IFT43: variants seen among roughly 807,000 people sequenced by gnomAD.
IFT43 encodes intraflagellar transport protein 43 homolog.
A neutral mutation model predicts 32.3 loss-of-function variants in IFT43; 33 were observed. The ratio of observed to expected loss-of-function variants is 1.02; its 90% confidence interval spans 0.77 to 1.37. The LOEUF is 1.37. Ranked by LOEUF, IFT43 falls within the 40% of genes most tolerant of loss-of-function variation. The pLI is 0.00. For missense variants in IFT43, 274 were observed against 265.9 expected, an observed-to-expected ratio of 1.03 and a Z score of -0.21; for synonymous variants, 93 against 98.2, an observed-to-expected ratio of 0.95 and a Z score of 0.31.
intron 5 of IFT43, among the ~76,000 whole-genome samples, chr14:76,070,918 T>C (rs66826584): frequency 0.35 from 52,997 of 152,022 alleles, 9,346 homozygotes; most frequent in African/African-American, 0.4. Context: ...GCCAATTAAA[T>C]CTCTTTTCTT....
intron 3 of IFT43, among the ~76,000 whole-genome samples, chr14:76,039,955 G>A (rs990786301): frequency 2.0e-5 from 3 of 152,082 alleles, no homozygotes; most frequent in Non-Finnish European, 4.4e-5. Context: ...GAGTAGAAGA[G>A]CTTCTTTTCT....
intron 3 of IFT43, among the ~76,000 whole-genome samples, chr14:76,034,889 G>A (rs998413902): frequency 2.0e-5 from 3 of 152,354 alleles, no homozygotes; most frequent in African/African-American, 4.8e-5. Flanking sequence ...GAAGTTGCCC[G>A]AGGTAGGACA....
chr14:76,062,732 A>T (rs1003981338), intron 5 of IFT43, among the ~76,000 whole-genome samples: 1 of 151,782 alleles, frequency 6.6e-6, no homozygotes, highest in African/African-American at 2.4e-5. Context: ...CCTGCCCAAC[A>T]TGGCGAAACC....
At position 76,082,554 on chromosome 14, in the gene IFT43, C is replaced by A. The variant is rs764484529; in HGVS notation, c.369-63C>A. ...ATACAAGGTTCTGGGGACGGTGGCC[C>A]GGCAGCACTCCTGGAACAGGTCCTG... On this transcript the variant is annotated intron_variant, in intron 6 of 8. Transcript: ENST00000314067. 1.9e-6 allele frequency: 3 copies of A among 1,588,108 alleles called. No individual in the cohort carries two copies. The African/African-American group carries it at 4.0e-5, about 21-fold the overall frequency.
intron 3 of IFT43, among the ~76,000 whole-genome samples, chr14:76,048,500 T>C (rs1312618436): frequency 6.6e-6 from 1 of 152,234 alleles, no homozygotes; most frequent in Non-Finnish European, 1.5e-5. Context: ...AAAATGCATC[T>C]GTGAACATCA....
At chr14:76,019,108 T>C (rs973293687) in intron 2 of IFT43, among the ~76,000 whole-genome samples, 1 of 152,134 alleles carries the variant, frequency 6.6e-6, no homozygotes, top group Non-Finnish European at 1.5e-5. Context: ...AGTTTTATCA[T>C]TGCAGTTTGA....
intron 3 of IFT43, among the ~76,000 whole-genome samples, chr14:76,048,574 T>C (rs540277267): frequency 2.7e-4 from 41 of 152,340 alleles, no homozygotes; most frequent in Non-Finnish European, 5.3e-4. Flanking sequence ...AATTTTAATA[T>C]AGATGAAACA....
chr14:76,014,456 T>C (rs1019341776), intron 2 of IFT43, among the ~76,000 whole-genome samples: 1 of 152,170 alleles, frequency 6.6e-6, no homozygotes. Flanking sequence ...CATTGTAGAG[T>C]AATGAATGCT....
rs571954345 is a variant in IFT43, at chr14:76,067,048, C to G, written c.295+7675C>G. Among the ~76,000 whole-genome samples the G allele has an allele frequency of 5.9e-5, 9 of 152,336 alleles. No individual in the cohort carries two copies. In the East Asian group the frequency reaches 1.5e-3, roughly 26 times the overall value. On this transcript the variant is annotated intron_variant, in intron 5 of 8. Coordinates refer to ENST00000314067, the MANE Select transcript of IFT43 (RefSeq NM_001102564.3). ...TCTGATCCAGTGAGGAAATGCCCTT[C>G]CTTCTCTTTCTTTCGGTCTTTCATA...
At chr14:76,021,171 T>C (rs1365574360) in intron 2 of IFT43, among the ~76,000 whole-genome samples, 1 of 151,748 alleles carries the variant, frequency 6.6e-6, no homozygotes, top group Non-Finnish European at 1.5e-5. Flanking sequence ...CTCAGGCCCC[T>C]AGATGGCATA....
intron 3 of IFT43, among the ~76,000 whole-genome samples, chr14:76,046,544 C>T (rs543580861): frequency 5.9e-5 from 9 of 152,086 alleles, no homozygotes; most frequent in Non-Finnish European, 7.4e-5. Flanking sequence ...AGGAGAAAGA[C>T]GCCTCAAGCA....
chr14:75,988,924 C>T lies in IFT43; in HGVS notation c.94C>T (p.Gln32Ter), dbSNP rs770573692. ...TCGCCGAGCTCAACAGGAGTCAGCG[C>T]AGGCCGAGAATCACCTCAATGGCAA... is the stretch of plus-strand genomic sequence containing the variant. ...MGRRAQQESA[Q>*]AENHLNGKNS... The change falls in exon 2 of 9, where the codon CAG (glutamine) becomes TAG (stop). Residue 32 changes from glutamine to a stop codon, truncating the protein, a stop_gained. Coordinates refer to ENST00000314067, the MANE Select transcript of IFT43 (RefSeq NM_001102564.3). LOFTEE classifies it high-confidence loss of function. The T allele has an allele frequency of 2.5e-6, 4 of 1,613,976 alleles. No homozygotes were observed. The highest frequency in any genetic ancestry group is 3.4e-6 in the Non-Finnish European group (4 of 1,180,000).
chr14:76,045,789 A>G (rs2036797365), intron 3 of IFT43, among the ~76,000 whole-genome samples: 1 of 152,180 alleles, frequency 6.6e-6, no homozygotes, highest in Non-Finnish European at 1.5e-5. Flanking sequence ...GGTGAGGGAG[A>G]AGAATGTGCT....
rs781573051 is a variant in IFT43 at position 76,083,473 on chromosome 14, G to A, written c.523G>A (p.Asp175Asn). The stretch of plus-strand genomic sequence containing the variant: ...TTCTTGGCAGGATGATGTCGGCTGG[G>A]ACTGGGACCATCTGTTCACTGAGGT... ...HEVREDDVGW[D>N]WDHLFTEVSS... Residue 175 changes from aspartate to asparagine, a missense_variant, in exon 9 of 9, where the codon GAC becomes AAC. Transcript: ENST00000314067. 3 of 1,614,050 alleles carry A rather than the reference G, an allele frequency of 1.9e-6. No individual in the cohort carries two copies. The South Asian group carries it at 3.3e-5, about 18-fold the overall frequency.
intron 3 of IFT43, among the ~76,000 whole-genome samples, chr14:76,023,211 A>T (rs565237370): frequency 2.0e-5 from 3 of 152,354 alleles, no homozygotes; most frequent in East Asian, 1.9e-4. Context: ...CACATTGATG[A>T]TCCCTACAGG....
chr14:76,023,979 A>G (rs1198177628), intron 3 of IFT43, among the ~76,000 whole-genome samples: 1 of 152,102 alleles, frequency 6.6e-6, no homozygotes, highest in African/African-American at 2.4e-5. Context: ...GGCCAGTAAA[A>G]CCCCTTCTTC....
chr14:75,991,883 C>T (rs80072789), intron 2 of IFT43, among the ~76,000 whole-genome samples: 5,591 of 152,198 alleles, frequency 0.037, 207 homozygotes, highest in East Asian at 0.12. Flanking sequence ...CAGCCTCCCA[C>T]GGGGCCAGAT....
chr14:76,020,990 G>T (rs2036279329), intron 2 of IFT43, among the ~76,000 whole-genome samples: 1 of 152,170 alleles, frequency 6.6e-6, no homozygotes, highest in Admixed American at 6.5e-5. Flanking sequence ...GTGGCAGGCA[G>T]GGTAGGCCTA....
At chr14:76,070,381 TAGAG>T (rs972927093) in intron 5 of IFT43, among the ~76,000 whole-genome samples, 43 of 152,294 alleles carry the variant, frequency 2.8e-4, no homozygotes, top group African/African-American at 8.7e-4. Context: ...AGCTTTGTCA[TAGAG>T]AGAAAGTAGA....
Sources: allele counts gnomAD v4.1 joint callset (sites outside exome capture counted in the v4.1 genomes callset), GRCh38; gene constraint gnomAD v4.1.1; transcripts MANE v1.5; gene names NCBI Gene and HGNC (gene_info 2026-07-23, HGNC 2026-07-21).